Variants in SARNP observed in about 807,000 individuals in gnomAD.
SARNP encodes SAP domain-containing ribonucleoprotein.
SARNP carries 5 observed loss-of-function variants against 38.1 expected under a neutral mutation model. The ratio of observed to expected loss-of-function variants is 0.13; its 90% confidence interval spans 0.07 to 0.28. SARNP has a LOEUF of 0.28. Among genes scored for constraint, SARNP ranks in the 10% least tolerant of loss-of-function variants. The pLI is 1.00. For synonymous variants in SARNP, 84 were observed against 80.6 expected (o/e 1.04, Z -0.23); for missense variants, 180 against 243.9 (o/e 0.74, Z 1.75).
chr12:55,776,330 G>A (rs1879180064), intron 9 of SARNP, among the ~76,000 whole-genome samples: 1 of 152,054 alleles, frequency 6.6e-6, no homozygotes, highest in Admixed American at 6.6e-5. Flanking sequence ...GCTACTTGTT[G>A]GGGATGAGGT....
chr12:55,805,293 T>C (rs1478663347), intron 1 of SARNP, among the ~76,000 whole-genome samples: 2 of 152,156 alleles, frequency 1.3e-5, no homozygotes, highest in African/African-American at 4.8e-5. Flanking sequence ...TAAAACATAT[T>C]ACAACGACTA....
intron 9 of SARNP, among the ~76,000 whole-genome samples, chr12:55,786,466 T>C (rs965204389): frequency 6.7e-6 from 1 of 148,892 alleles, no homozygotes; most frequent in African/African-American, 2.5e-5. Flanking sequence ...GTTTGTTTGT[T>C]TGAGATGGAG....
At chr12:55,791,493 T>A (rs1048126005) in intron 7 of SARNP, among the ~76,000 whole-genome samples, 1 of 152,086 alleles carries the variant, frequency 6.6e-6, no homozygotes, top group African/African-American at 2.4e-5. Context: ...TCAGGACTTG[T>A]AGACCAGCCT....
At chr12:55,766,302 C>T (rs1007572704) in intron 9 of SARNP, among the ~76,000 whole-genome samples, 1 of 152,064 alleles carries the variant, frequency 6.6e-6, no homozygotes, top group Non-Finnish European at 1.5e-5. Context: ...CAAATCTATA[C>T]TCCTAAAAAC....
chr12:55,780,214 A>G (rs1879300424), intron 9 of SARNP, among the ~76,000 whole-genome samples: 2 of 152,128 alleles, frequency 1.3e-5, no homozygotes, highest in Admixed American at 1.3e-4. Context: ...GCACTTTGGG[A>G]GGCCAAGGTG....
intron 9 of SARNP, among the ~76,000 whole-genome samples, chr12:55,776,248 G>T (rs949534853): frequency 6.6e-6 from 1 of 152,048 alleles, no homozygotes; most frequent in South Asian, 2.1e-4. Flanking sequence ...ATACCAGCCT[G>T]GGCAAAATAG....
chr12:55,752,800 G>C (rs763502754), downstream of SARNP: 2 of 152,020 alleles, frequency 1.3e-5, no homozygotes, highest in Admixed American at 6.6e-5. Context: ...AGGGTGCTCT[G>C]AGTTTTGGGA....
At position 55,802,116 on chromosome 12, in the gene SARNP, A is replaced by C. The variant is rs369415892; in HGVS notation, c.137-1216T>G. 2.2e-4 allele frequency among the ~76,000 whole-genome samples: 34 copies of C among 152,336 alleles called. No individual in the cohort carries two copies. The East Asian group carries it at 3.3e-3, about 15-fold the overall frequency. ...AAATTAGCAAAACTTAGGCCACTTG[A>C]TAGGACAGTGCCAAGTTTAGGTTTG... On this transcript the variant is annotated intron_variant, in intron 2 of 10. Coordinates refer to ENST00000336133, the MANE Select transcript of SARNP (RefSeq NM_033082.4).
chr12:55,754,244 G>C (rs964209229), downstream of SARNP: 1 of 152,162 alleles, frequency 6.6e-6, no homozygotes, highest in Non-Finnish European at 1.5e-5. Flanking sequence ...TGGCTCATTT[G>C]TTTCCTATAT....
chr12:55,774,590 A>AAAAAAAAAAAAAAAAAT, intron 9 of SARNP, among the ~76,000 whole-genome samples: 1 of 148,860 alleles, frequency 6.7e-6, no homozygotes, highest in South Asian at 2.1e-4. Context: ...AAAAAAAAAA[A>AAAAAAAAAAAAAAAAAT]AACAAAAATT....
chr12:55,797,906 T>C (rs1021886788), intron 4 of SARNP, among the ~76,000 whole-genome samples: 2 of 152,182 alleles, frequency 1.3e-5, no homozygotes, highest in African/African-American at 2.4e-5. Flanking sequence ...CCCACTTCAA[T>C]TTCCTTGTTT....
In SARNP at chr12:55,769,672, A is replaced by T. The variant is rs1878948695; in HGVS notation, c.502-9032T>A. On this transcript the variant is annotated intron_variant, in intron 9 of 10. Transcript: ENST00000336133. Reference sequence around the variant, plus strand: ...CTCCAACTTATGATGCTTTGCCTTAAGATTTTTCAACTTTACAACGGCGAA... The same window carrying T: ...CTCCAACTTATGATGCTTTGCCTTATGATTTTTCAACTTTACAACGGCGAA... 4.6e-5 allele frequency among the ~76,000 whole-genome samples: 7 copies of T among 152,226 alleles called. 2 individuals are homozygous for T. The highest frequency in any genetic ancestry group is 4.6e-4 in the Admixed American group (7 of 15,286).
Position 55,796,020 on chromosome 12 carries a change from C to T in SARNP, c.303+5G>A. 1 of 1,589,256 alleles carries T rather than the reference C, an allele frequency of 6.3e-7. No homozygotes were observed. Among genetic ancestry groups the T allele is most frequent in the East Asian group, 2.2e-5 (1 of 44,730 alleles). On this transcript the variant is annotated splice_donor_5th_base_variant and intron_variant, in intron 5 of 10. Coordinates refer to ENST00000336133, the MANE Select transcript of SARNP (RefSeq NM_033082.4). ...GACTGTTCTACTAGGGAGCAGAATA[C>T]CTACCTCAGTCTGTGGTATTTCAGA...
intron 9 of SARNP, among the ~76,000 whole-genome samples, chr12:55,767,494 G>T (rs889545146): frequency 2.0e-5 from 3 of 151,952 alleles, no homozygotes; most frequent in Non-Finnish European, 4.4e-5. Flanking sequence ...GGCTGCAGTG[G>T]GCCATTGTCA....
intron 9 of SARNP, among the ~76,000 whole-genome samples, chr12:55,773,578 G>C (rs1313236353): frequency 2.0e-5 from 3 of 152,184 alleles, no homozygotes. Context: ...AACAAGATCA[G>C]GGCACACTGC....
At chr12:55,783,910 CAT>C (rs1879412171) in intron 9 of SARNP, among the ~76,000 whole-genome samples, 1 of 151,918 alleles carries the variant, frequency 6.6e-6, no homozygotes, top group African/African-American at 2.4e-5. Flanking sequence ...CTGGGCCACA[CAT>C]GAGATCCTAT....
intron 4 of SARNP, among the ~76,000 whole-genome samples, chr12:55,799,473 AAG>A (rs1283598438): frequency 6.6e-6 from 1 of 152,018 alleles, no homozygotes; most frequent in Non-Finnish European, 1.5e-5. Flanking sequence ...ATCAGAAAGC[AAG>A]AGAGAACAGA....
chr12:55,760,587 T>C lies in SARNP; in HGVS notation c.555A>G (p.Thr185=), dbSNP rs1476842893. The stretch of plus-strand genomic sequence containing the variant: ...CTGTGGTTCCAGTTCCAGCTGAACT[T>C]GTGACAATCCCAAATCGCTCCTTCC... ...KKRKERFGIV[T]SSAGTGTTED... is the part of the protein sequence containing the mutation. Residue 185 remains threonine (T), a synonymous_variant, in exon 10 of 11, where the codon ACA becomes ACG. Coordinates refer to ENST00000336133, the MANE Select transcript of SARNP (RefSeq NM_033082.4). 1 of 1,613,342 alleles carries C rather than the reference T, an allele frequency of 6.2e-7. No homozygotes were observed. The highest frequency in any genetic ancestry group is 8.5e-7 in the Non-Finnish European group (1 of 1,179,284).
At chr12:55,812,201 A>G (rs1321954931) in intron 1 of SARNP, among the ~76,000 whole-genome samples, 1 of 152,144 alleles carries the variant, frequency 6.6e-6, no homozygotes, top group Non-Finnish European at 1.5e-5. Context: ...CACATAGCTC[A>G]TTCCTTCACG....
Sources: gnomAD v4.1 joint callset for allele counts (sites outside exome capture counted in the v4.1 genomes callset) on GRCh38, gnomAD v4.1.1 for gene constraint, MANE v1.5 for transcripts, NCBI Gene and HGNC (gene_info 2026-07-23, HGNC 2026-07-21) for gene names.